The following CYP7B1 variants were observed in gnomAD, a reference collection of about 807,000 sequenced individuals.
The protein encoded by CYP7B1 is cytochrome P450 family 7 subfamily B member 1, also known as cytochrome P450 7B1.
CYP7B1 carries 29 observed loss-of-function variants against 42.7 expected under a neutral mutation model. That is an observed-to-expected ratio of 0.68 (90% CI 0.51 to 0.93). The LOEUF (loss-of-function observed/expected upper bound fraction) is 0.93. CYP7B1 is among the 40% of genes least tolerant of loss of function. The pLI is 0.00. For missense variants in CYP7B1, 655 were observed against 600.5 expected (o/e 1.09, Z -0.95); for synonymous variants, 235 against 218.2 (o/e 1.08, Z -0.68).
At chr8:64,703,055 A>G (rs1806941355) in intron 1 of CYP7B1, among the ~76,000 whole-genome samples, 1 of 152,056 alleles carries the variant, frequency 6.6e-6, no homozygotes, top group African/African-American at 2.4e-5. Context: ...AGAGACTGGA[A>G]TAAGCTGTAA....
chr8:64,756,261 T>C (rs1404787729), intron 1 of CYP7B1, among the ~76,000 whole-genome samples: 3 of 152,206 alleles, frequency 2.0e-5, no homozygotes, highest in Non-Finnish European at 2.9e-5. Context: ...GATTTTGGAG[T>C]TTCAGAAGAG....
At chr8:64,629,784 T>G (rs1805662782) in intron 1 of CYP7B1, among the ~76,000 whole-genome samples, 1 of 152,236 alleles carries the variant, frequency 6.6e-6, no homozygotes, top group Non-Finnish European at 1.5e-5. Context: ...ACAAGGAAAC[T>G]TAGAAATGTT....
chr8:64,780,106 C>G (rs1013706514), intron 1 of CYP7B1, among the ~76,000 whole-genome samples: 1 of 152,074 alleles, frequency 6.6e-6, no homozygotes, highest in Non-Finnish European at 1.5e-5. Context: ...ATTAGGTAAG[C>G]ATTTGCTAAT....
At chr8:64,661,158 G>T (rs1806194312) in intron 1 of CYP7B1, among the ~76,000 whole-genome samples, 1 of 152,192 alleles carries the variant, frequency 6.6e-6, no homozygotes, top group Non-Finnish European at 1.5e-5. Context: ...ATAAGGTTTT[G>T]ATGGGAATTG....
chr8:64,669,169 C>G (rs1806327439), intron 1 of CYP7B1, among the ~76,000 whole-genome samples: 1 of 152,058 alleles, frequency 6.6e-6, no homozygotes, highest in Non-Finnish European at 1.5e-5. Flanking sequence ...TGACAGGAGA[C>G]ATCTGAAAGA....
intron 1 of CYP7B1, among the ~76,000 whole-genome samples, chr8:64,678,506 A>T (rs1218756859): frequency 2.6e-5 from 4 of 152,090 alleles, no homozygotes; most frequent in Non-Finnish European, 5.9e-5. Flanking sequence ...TTACAAATAA[A>T]ATGCTGGCTC....
intron 1 of CYP7B1, among the ~76,000 whole-genome samples, chr8:64,725,794 G>A (rs943027141): frequency 6.6e-6 from 1 of 152,202 alleles, no homozygotes; most frequent in Non-Finnish European, 1.5e-5. Flanking sequence ...CAGTGATAGA[G>A]AAAAGCATCT....
At position 64,615,171 on chromosome 8, in the gene CYP7B1, T is replaced by C. The variant is rs2129630174; in HGVS notation, c.912A>G (p.Ala304=). ...VANTIPTMFW[A]MYYLLRHPEA... is the part of the protein sequence containing the mutation. ...CTGGGTGCCGCAGAAGATAATACATTGCCCAGAACATAGTTGGAATAGTGT... is the reference window on the plus strand; with the variant it reads ...CTGGGTGCCGCAGAAGATAATACATCGCCCAGAACATAGTTGGAATAGTGT... The change falls in exon 4 of 6, where the codon GCA becomes GCG. Residue 304 remains alanine (A), a synonymous_variant. Coordinates refer to ENST00000310193, the MANE Select transcript of CYP7B1 (RefSeq NM_004820.5). The C allele has an allele frequency of 1.2e-6, 2 of 1,613,594 alleles. No homozygotes were observed. The highest frequency in any genetic ancestry group is 1.6e-4 in the Middle Eastern group (1 of 6,062).
intron 1 of CYP7B1, among the ~76,000 whole-genome samples, chr8:64,632,850 G>A (rs1043675091): frequency 2.0e-5 from 3 of 151,638 alleles, no homozygotes; most frequent in Non-Finnish European, 2.9e-5. Flanking sequence ...AATGCAGTAA[G>A]ATAGAAAATG....
intron 1 of CYP7B1, among the ~76,000 whole-genome samples, chr8:64,675,711 T>C (rs370676011): frequency 6.6e-6 from 1 of 152,098 alleles, no homozygotes; most frequent in East Asian, 1.9e-4. Context: ...GTGGTTGAAA[T>C]GTGGAATTTG....
At chr8:64,763,686 G>T (rs1330129370) in intron 1 of CYP7B1, among the ~76,000 whole-genome samples, 9 of 152,196 alleles carry the variant, frequency 5.9e-5, no homozygotes, top group Non-Finnish European at 1.5e-5. Flanking sequence ...GCACTGGTCT[G>T]CCTGGAACCA....
rs567004316 is a variant in CYP7B1 at position 64,635,293 on chromosome 8, A to AT, written c.123-10755dup. On this transcript the variant is annotated intron_variant, in intron 1 of 5. Transcript: ENST00000310193. ...CTATTGTCCCCTGTGCTTAACCTTCATTTTTTCCCCAGTCCTATAATCTTG... is the reference window on the plus strand; with the variant it reads ...CTATTGTCCCCTGTGCTTAACCTTCATTTTTTTCCCCAGTCCTATAATCTTG... Among the ~76,000 whole-genome samples the AT allele has an allele frequency of 7.2e-4, 109 of 152,252 alleles. 2 individuals are homozygous for AT. The South Asian group carries it at 0.022, about 31-fold the overall frequency.
intron 1 of CYP7B1, among the ~76,000 whole-genome samples, chr8:64,653,113 C>A (rs1806065410): frequency 6.6e-6 from 1 of 151,976 alleles, no homozygotes; most frequent in Non-Finnish European, 1.5e-5. Context: ...AGCAAATTAA[C>A]CCCAAAGTTA....
At chr8:64,646,999 A>G (rs753625942) in intron 1 of CYP7B1, among the ~76,000 whole-genome samples, 3 of 152,174 alleles carry the variant, frequency 2.0e-5, no homozygotes, top group Non-Finnish European at 4.4e-5. Context: ...CTTCCTCACT[A>G]AGCTTAATCA....
At chr8:64,765,874 C>A (rs1457361201) in intron 1 of CYP7B1, among the ~76,000 whole-genome samples, 1 of 152,134 alleles carries the variant, frequency 6.6e-6, no homozygotes, top group Non-Finnish European at 1.5e-5. Context: ...TTAAAATAGA[C>A]CTAGGTAAAT....
intron 1 of CYP7B1, among the ~76,000 whole-genome samples, chr8:64,732,647 G>T (rs1807429735): frequency 6.6e-6 from 1 of 152,116 alleles, no homozygotes; most frequent in African/African-American, 2.4e-5. Context: ...TTTGTGAGGG[G>T]CCGGGGACAG....
chr8:64,637,044 C>G (rs1197143687), intron 1 of CYP7B1, among the ~76,000 whole-genome samples: 4 of 152,042 alleles, frequency 2.6e-5, no homozygotes, highest in African/African-American at 9.7e-5. Flanking sequence ...TTTGTGGAAA[C>G]TAAATTATTA....
At chr8:64,640,166 C>T (rs555303833) in intron 1 of CYP7B1, among the ~76,000 whole-genome samples, 23 of 152,138 alleles carry the variant, frequency 1.5e-4, no homozygotes, top group Admixed American at 1.0e-3. Flanking sequence ...TGGCAACAAG[C>T]TTAAGGAAAT....
chr8:64,700,601 G>C (rs532485313), intron 1 of CYP7B1, among the ~76,000 whole-genome samples: 6 of 152,142 alleles, frequency 3.9e-5, no homozygotes, highest in Non-Finnish European at 8.8e-5. Context: ...ACCTGTAAGT[G>C]TACAGAGGTG....
Sources: allele counts gnomAD v4.1 joint callset (sites outside exome capture counted in the v4.1 genomes callset), GRCh38; gene constraint gnomAD v4.1.1; transcripts MANE v1.5; gene names NCBI Gene and HGNC (gene_info 2026-07-23, HGNC 2026-07-21).